COL22A1: variants seen among roughly 807,000 people sequenced by gnomAD.
The protein encoded by COL22A1 is collagen alpha-1(XXII) chain.
COL22A1 carries 221 observed loss-of-function variants against 248.9 expected under a neutral mutation model. That is an observed-to-expected ratio of 0.89 (90% CI 0.80 to 0.99). COL22A1 has a LOEUF of 0.99. COL22A1 is among the 50% of genes least tolerant of loss of function. The pLI, the probability that COL22A1 is intolerant of heterozygous loss-of-function variation, is 0.00. For synonymous variants in COL22A1, 891 were observed against 793.4 expected, an observed-to-expected ratio of 1.12 and a Z score of -2.07; for missense variants, 2,240 against 2,179.0, an observed-to-expected ratio of 1.03 and a Z score of -0.56.
chr8:138,775,206 A>G (rs1814310878), intron 16 of COL22A1, among the ~76,000 whole-genome samples: 1 of 152,116 alleles, frequency 6.6e-6, no homozygotes, highest in African/African-American at 2.4e-5. Flanking sequence ...ATCGTAAGGA[A>G]CTCAATGAAT....
At chr8:138,712,802 T>G (rs987767299) in intron 30 of COL22A1, among the ~76,000 whole-genome samples, 1 of 152,090 alleles carries the variant, frequency 6.6e-6, no homozygotes, top group East Asian at 1.9e-4. Context: ...AGGGTATGTA[T>G]TCTATCAGCA....
At chr8:138,721,898 T>C in intron 26 of COL22A1, 138 bp downstream of exon 26, 2 of 757,212 alleles carry the variant, frequency 2.6e-6, no homozygotes, top group Non-Finnish European at 4.6e-6. Flanking sequence ...TCTGACCCCA[T>C]AAATCCAAAC....
chr8:138,703,313 G>C lies in COL22A1; in HGVS notation c.2552C>G (p.Pro851Arg), dbSNP rs1268763323. 6.2e-7 allele frequency: 1 copy of C among 1,613,610 alleles called. No individual in the cohort carries two copies. Among genetic ancestry groups the C allele is most frequent in the Admixed American group, 1.7e-5 (1 of 60,022 alleles). Residue 851 changes from proline to arginine, a missense_variant, in exon 31 of 65, where the codon CCT becomes CGT. Pro to Arg is a moderately radical substitution (Grantham distance 103). Transcript: ENST00000303045. ...AGAAGCGGAGTAACTTACAGTTCCA[G>C]GTAACCCGGGAGGGCCTGCAGGACC... ...EAGPAGPPGL[P>R]GTTSLFTPHP...
chr8:138,835,786 C>A (rs1331166145), intron 4 of COL22A1, among the ~76,000 whole-genome samples: 1 of 152,028 alleles, frequency 6.6e-6, no homozygotes, highest in Non-Finnish European at 1.5e-5. Context: ...CGAGCCTCAA[C>A]CTCTCTGGGC....
At position 138,658,012 on chromosome 8, in the gene COL22A1, T is replaced by C. The variant is rs779325488; in HGVS notation, c.3286-2068A>G. On this transcript the variant is annotated intron_variant, in intron 44 of 64. Coordinates refer to ENST00000303045, the MANE Select transcript of COL22A1 (RefSeq NM_152888.3). ...TCCCTCCATCCTCGTAAGTTTCTCC[T>C]GAGAGCACTCCCTCAATCAGTCACT... Among the ~76,000 whole-genome samples, 25 of 152,288 alleles carry C rather than the reference T, an allele frequency of 1.6e-4. No homozygotes were observed. The South Asian group carries it at 3.7e-3, about 23-fold the overall frequency.
chr8:138,590,706 AT>A (rs1423092609), intron 64 of COL22A1, among the ~76,000 whole-genome samples: 1 of 152,232 alleles, frequency 6.6e-6, no homozygotes, highest in Non-Finnish European at 1.5e-5. Flanking sequence ...TAAATAAAAA[AT>A]AGAAGCCTCA....
intron 44 of COL22A1, among the ~76,000 whole-genome samples, 164 bp downstream of exon 44, chr8:138,660,272 A>G (rs1823698978): frequency 6.6e-6 from 1 of 152,174 alleles, no homozygotes; most frequent in Non-Finnish European, 1.5e-5. Context: ...TTCCCACTGT[A>G]GTTTATCTCT....
rs191414899 is a variant in COL22A1, at chr8:138,619,608, G to A, written c.3772-100C>T. 9.9e-5 allele frequency: 111 copies of A among 1,122,506 alleles called. 1 individual carries two copies. The East Asian group carries it at 2.2e-3, about 22-fold the overall frequency. 69.5% of individuals were successfully genotyped at this position (1,122,506 alleles called of 1,614,324 possible). A position where few individuals can be genotyped will look rare whatever the true frequency, so the allele number is the denominator to read the frequency against. ...CCTACCAATCTATTCCCACAAGCCA[G>A]TTTCTATCCACCCTGTCAGCCCTTT... On this transcript the variant is annotated intron_variant, in intron 52 of 64. Coordinates refer to ENST00000303045, the MANE Select transcript of COL22A1 (RefSeq NM_152888.3).
At chr8:138,751,121 G>T (rs182046252) in intron 22 of COL22A1, among the ~76,000 whole-genome samples, 1 of 152,142 alleles carries the variant, frequency 6.6e-6, no homozygotes, top group East Asian at 1.9e-4. Flanking sequence ...TAATGGCATG[G>T]ATATATTAGA....
intron 7 of COL22A1, among the ~76,000 whole-genome samples, chr8:138,819,032 C>G (rs1818893214): frequency 6.6e-6 from 1 of 152,156 alleles, no homozygotes; most frequent in Non-Finnish European, 1.5e-5. Flanking sequence ...CCTCTGCAAG[C>G]CCCAATCTCT....
intron 3 of COL22A1, among the ~76,000 whole-genome samples, chr8:138,851,048 CAG>C (rs898860586): frequency 1.3e-5 from 2 of 152,178 alleles, no homozygotes; most frequent in African/African-American, 4.8e-5. Flanking sequence ...GTGGAGGAGG[CAG>C]AGAGCAACAC....
chr8:138,866,094 G>T (rs999357970), intron 3 of COL22A1, among the ~76,000 whole-genome samples: 2 of 151,980 alleles, frequency 1.3e-5, no homozygotes, highest in Non-Finnish European at 2.9e-5. Flanking sequence ...TAATCAAAAG[G>T]ACAAAGACAG....
intron 49 of COL22A1, 49 bp from the exon 50 acceptor site, chr8:138,630,797 G>A: frequency 6.7e-7 from 1 of 1,498,544 alleles, no homozygotes; most frequent in Non-Finnish European, 9.3e-7. Flanking sequence ...CTAGACAGAG[G>A]TCATTAGCAC....
chr8:138,751,335 C>A, intron 22 of COL22A1, 123 bp downstream of exon 22: 1 of 667,240 alleles, frequency 1.5e-6, no homozygotes, highest in African/African-American at 1.8e-5. Flanking sequence ...ACCCTTCATT[C>A]TACTTCCAAT....
At chr8:138,608,420 C>T (rs1347498261) in intron 56 of COL22A1, among the ~76,000 whole-genome samples, 1 of 152,166 alleles carries the variant, frequency 6.6e-6, no homozygotes, top group African/African-American at 2.4e-5. Context: ...TGTCCATGCA[C>T]TTATCTCCTT....
chr8:138,656,073 C>T (rs556865520), intron 44 of COL22A1, 129 bp from the exon 45 acceptor site: 59 of 738,286 alleles, frequency 8.0e-5, no homozygotes, highest in East Asian at 3.8e-4. Context: ...GCGTGGGATA[C>T]GGACAGCCCA....
At chr8:138,886,332 T>C (rs761901603) in intron 1 of COL22A1, among the ~76,000 whole-genome samples, 6 of 152,154 alleles carry the variant, frequency 3.9e-5, no homozygotes, top group Non-Finnish European at 8.8e-5. Flanking sequence ...TATTGGTTTC[T>C]GTAGTACTGG....
rs532472339 is a variant in COL22A1, at chr8:138,664,084, C to T, written c.3151-344G>A. ...CCTGTATTACACCCCCTTGGAGATG[C>T]ACTGGCTCTTTCTGCTTGGGAAAGG... is the stretch of plus-strand genomic sequence containing the variant. On this transcript the variant is annotated intron_variant, in intron 41 of 64. Coordinates refer to ENST00000303045, the MANE Select transcript of COL22A1 (RefSeq NM_152888.3). 4.6e-5 allele frequency among the ~76,000 whole-genome samples: 7 copies of T among 151,746 alleles called. No individual in the cohort carries two copies. The South Asian group carries it at 1.5e-3, about 32-fold the overall frequency.
chr8:138,878,824 A>G (rs113949352), intron 2 of COL22A1, among the ~76,000 whole-genome samples: 2,000 of 152,176 alleles, frequency 0.013, 36 homozygotes, highest in African/African-American at 0.046. Flanking sequence ...TGGCTAACGC[A>G]GTGAAACCCC....
Sources: gnomAD v4.1 joint callset for allele counts (sites outside exome capture counted in the v4.1 genomes callset) on GRCh38, gnomAD v4.1.1 for gene constraint, MANE v1.5 for transcripts, NCBI Gene and HGNC (gene_info 2026-07-23, HGNC 2026-07-21) for gene names.